C4orf50: variants seen among roughly 807,000 people sequenced by gnomAD.
The protein encoded by C4orf50 is chromosome 4 open reading frame 50.
C4orf50 carries 80 observed loss-of-function variants against 77.2 expected under a neutral mutation model. The observed-to-expected ratio is 1.04, with a 90% CI of 0.87 to 1.25. The LOEUF is 1.25. Among genes scored for constraint, C4orf50 ranks in the 50% most tolerant of loss-of-function variants. C4orf50 has a pLI of 0.00. For synonymous variants in C4orf50, 532 were observed against 465.3 expected (o/e 1.14, Z -1.84); for missense variants, 1,257 against 1,152.9 (o/e 1.09, Z -1.31).
intron 7 of C4orf50, among the ~76,000 whole-genome samples, chr4:5,923,671 C>G (rs1717386174): frequency 6.6e-6 from 1 of 152,208 alleles, no homozygotes; most frequent in African/African-American, 2.4e-5. Flanking sequence ...ACTCCTAACC[C>G]AGCCCCTCCC....
At position 6,000,571 on chromosome 4, in the gene C4orf50, G is replaced by C. The variant is rs1236521365; in HGVS notation, c.964-6095C>G. Among the ~76,000 whole-genome samples the C allele has an allele frequency of 1.3e-5, 2 of 152,014 alleles. No individual in the cohort carries two copies. The highest frequency in any genetic ancestry group is 2.4e-5 in the African/African-American group (1 of 41,370). Reference sequence around the variant, plus strand: ...GGTCCAGCCCCCACTGCAACACCAGGGTCCTCCCCCAGTGACCCACGGACT... The same window carrying C: ...GGTCCAGCCCCCACTGCAACACCAGCGTCCTCCCCCAGTGACCCACGGACT... On this transcript the variant is annotated intron_variant, in intron 25 of 33. Coordinates refer to ENST00000531445, the Ensembl canonical transcript of C4orf50. This position sits in a 1 kb window ranked among gnomAD's most constrained non-coding sequence, Gnocchi z 6.0.
Position 5,916,842 on chromosome 4 carries a change from A to G in C4orf50, c.*2475-18654T>C, listed in dbSNP as rs1186111034. On this transcript the variant is annotated intron_variant, in intron 7 of 7. Transcript: ENST00000324058. This position sits in a 1 kb window ranked among gnomAD's most constrained non-coding sequence, Gnocchi z 4.4. Reference sequence around the variant, plus strand: ...GCCTCTGCTTGAGGTGGGCACAAGCAGAGTCTGAGCTTGCCAGCAACAAAG... The same window carrying G: ...GCCTCTGCTTGAGGTGGGCACAAGCGGAGTCTGAGCTTGCCAGCAACAAAG... 6.6e-6 allele frequency among the ~76,000 whole-genome samples: 1 copy of G among 152,178 alleles called. No homozygotes were observed.
exon 29 of C4orf50, chr4:5,980,262 G>T (rs1439178702): frequency 6.2e-7 from 1 of 1,613,008 alleles, no homozygotes. Flanking sequence ...GCACTGCAGG[G>T]TCAGCACCCG....
intron 25 of C4orf50, among the ~76,000 whole-genome samples, chr4:6,003,093 C>T (rs1252908114): frequency 6.6e-6 from 1 of 152,166 alleles, no homozygotes; most frequent in Non-Finnish European, 1.5e-5. Flanking sequence ...GCTCCTTGGC[C>T]CAGACAGCCG....
intron 29 of C4orf50, among the ~76,000 whole-genome samples, chr4:5,979,814 A>G (rs1720473304): frequency 6.6e-6 from 1 of 152,236 alleles, no homozygotes; most frequent in Admixed American, 6.5e-5. Context: ...CTGCGTGTTA[A>G]GTCCCGTGCA....
chr4:5,980,071 T>A, intron 29 of C4orf50, 103 bp downstream of exon 7: 2 of 896,536 alleles, frequency 2.2e-6, no homozygotes, highest in Admixed American at 3.0e-5. Flanking sequence ...TGCTCCCAAC[T>A]GGCTGGGTCA....
chr4:5,948,703 G>A (rs1159251456), intron 7 of C4orf50, among the ~76,000 whole-genome samples: 1 of 152,088 alleles, frequency 6.6e-6, no homozygotes, highest in Non-Finnish European at 1.5e-5. Context: ...GCTGAAGTAG[G>A]GGAATTGCTT....
chr4:5,983,501 C>A (rs1184997009), intron 28 of C4orf50, among the ~76,000 whole-genome samples: 2 of 152,206 alleles, frequency 1.3e-5, no homozygotes, highest in Admixed American at 6.5e-5. Context: ...CTTTTCTAAC[C>A]TTCGAAGTCT....
At chr4:5,989,645 G>A (rs1247121232) in exon 28 of C4orf50, 2 of 1,536,150 alleles carry the variant, frequency 1.3e-6, no homozygotes, top group South Asian at 2.4e-5. Flanking sequence ...TCGATTGTGA[G>A]TGCACACCTG....
At position 5,997,675 on chromosome 4, in the gene C4orf50, T is replaced by C. The variant is rs1474307492; in HGVS notation, c.964-3199A>G. On this transcript the variant is annotated intron_variant, in intron 25 of 33. Coordinates refer to ENST00000531445, the Ensembl canonical transcript of C4orf50. ...TAAGCAAAAAGAAGAAAATGAGAAA[T>C]ATCAGGATATCCGGGCATAAACATG... Among the ~76,000 whole-genome samples, 4 of 152,246 alleles carry C rather than the reference T, an allele frequency of 2.6e-5. 1 individual carries two copies. The East Asian group carries it at 7.7e-4, about 29-fold the overall frequency.
At position 5,932,825 on chromosome 4, in the gene C4orf50, T is replaced by C. The variant is rs1400781658; in HGVS notation, c.*2474+24076A>G. 6.6e-6 allele frequency among the ~76,000 whole-genome samples: 1 copy of C among 152,214 alleles called. No individual in the cohort carries two copies. Among genetic ancestry groups the C allele is most frequent in the Non-Finnish European group, 1.5e-5 (1 of 68,034 alleles). On this transcript the variant is annotated intron_variant, in intron 7 of 7. Coordinates refer to the C4orf50 transcript ENST00000324058. This position sits in a 1 kb window ranked among gnomAD's most constrained non-coding sequence, Gnocchi z 4.2. ...GCATCTTTTTTGAACTTCAGTTTCC[T>C]TCTGCACAGAGGAGAATATTACTAG...
chr4:5,938,672 T>C (rs1045199529), intron 7 of C4orf50, among the ~76,000 whole-genome samples: 8 of 152,208 alleles, frequency 5.3e-5, no homozygotes, highest in Non-Finnish European at 1.0e-4. Context: ...TTTTTATATT[T>C]AATTTGAACC....
intron 7 of C4orf50, among the ~76,000 whole-genome samples, chr4:5,935,806 A>G (rs1415005036): frequency 3.3e-5 from 5 of 149,862 alleles, no homozygotes; most frequent in African/African-American, 4.9e-5. Flanking sequence ...AAAAAAAAAA[A>G]AAAAGCCCCA....
At chr4:5,942,808 A>C (rs1718320553) in intron 7 of C4orf50, among the ~76,000 whole-genome samples, 2 of 152,206 alleles carry the variant, frequency 1.3e-5, no homozygotes, top group African/African-American at 4.8e-5. Context: ...CTGCATGTTG[A>C]ATGAGAAATG....
At chr4:6,012,973 C>T (rs1163295379) in intron 23 of C4orf50, among the ~76,000 whole-genome samples, 3 of 152,210 alleles carry the variant, frequency 2.0e-5, no homozygotes, top group Non-Finnish European at 1.5e-5. Context: ...CCTGCACATC[C>T]AGGACAGATA....
chr4:5,945,495 G>A lies in C4orf50; in HGVS notation c.*2474+11406C>T, dbSNP rs544880806. Among the ~76,000 whole-genome samples the A allele has an allele frequency of 2.6e-5, 4 of 152,332 alleles. No homozygotes were observed. In the South Asian group the frequency reaches 8.3e-4, roughly 32 times the overall value. ...TGACAAACATGGCTCGTGAATGTGA[G>A]CCTGGCACCTGCAGATCGGAGACCC... On this transcript the variant is annotated intron_variant, in intron 7 of 7. Coordinates refer to the C4orf50 transcript ENST00000324058.
At position 5,916,410 on chromosome 4, in the gene C4orf50, C is replaced by A. The variant is rs1291897709; in HGVS notation, c.*2475-18222G>T. On this transcript the variant is annotated intron_variant, in intron 7 of 7. Transcript: ENST00000324058. This position sits in a 1 kb window ranked among gnomAD's most constrained non-coding sequence, Gnocchi z 4.4. Reference sequence around the variant, plus strand: ...GCCCACCACAGAGAAGGCTGGGAGCCAGGACCTGCCCCCAGAGCTCAGACC... The same window carrying A: ...GCCCACCACAGAGAAGGCTGGGAGCAAGGACCTGCCCCCAGAGCTCAGACC... Among the ~76,000 whole-genome samples, 2 of 152,074 alleles carry A rather than the reference C, an allele frequency of 1.3e-5. No individual in the cohort carries two copies. Among genetic ancestry groups the A allele is most frequent in the Non-Finnish European group, 2.9e-5 (2 of 68,022 alleles).
At chr4:5,995,262 C>A (rs1174515764) in intron 25 of C4orf50, among the ~76,000 whole-genome samples, 1 of 152,144 alleles carries the variant, frequency 6.6e-6, no homozygotes, top group East Asian at 1.9e-4. Context: ...ATGTCCCACC[C>A]AGGGAGGAGG....
exon 8 of C4orf50, chr4:5,897,628 A>G (rs1716177054): frequency 6.6e-6 from 1 of 152,252 alleles, no homozygotes; most frequent in Non-Finnish European, 1.5e-5. Context: ...AAAAGCATAC[A>G]TTTTAATGTA....
Sources: allele counts gnomAD v4.1 joint callset (sites outside exome capture counted in the v4.1 genomes callset), GRCh38; gene constraint gnomAD v4.1.1; non-coding constraint Gnocchi (gnomAD v3.1); transcripts MANE v1.5; gene names NCBI Gene and HGNC (gene_info 2026-07-23, HGNC 2026-07-21).